The following NDE1 variants were observed in gnomAD, a reference collection of about 807,000 sequenced individuals.
NDE1 encodes the protein nuclear distribution protein nudE homolog 1.
In NDE1, 28 loss-of-function variants were observed where a neutral mutation model predicts 43.4. The ratio of observed to expected loss-of-function variants is 0.65; its 90% CI spans 0.48 to 0.89. NDE1 has a LOEUF of 0.89. NDE1 is among the 40% of genes least tolerant of loss of function. The pLI is 0.00. For synonymous variants in NDE1, 184 were observed against 172.0 expected, an observed-to-expected ratio of 1.07 and a Z score of -0.55; for missense variants, 441 against 434.1, an observed-to-expected ratio of 1.02 and a Z score of -0.14.
chr16:15,716,278 G>A (rs1266309201), intron 8 of NDE1, among the ~76,000 whole-genome samples: 2 of 152,134 alleles, frequency 1.3e-5, no homozygotes, highest in Admixed American at 6.6e-5. Flanking sequence ...AAATGACTGT[G>A]GTGATCGTTT....
chr16:15,651,813 A>C (rs2036519841), intron 1 of NDE1: 1 of 152,196 alleles, frequency 6.6e-6, no homozygotes, highest in Non-Finnish European at 1.5e-5. Context: ...GTGCCGCTGA[A>C]GTCTCAGGGG....
At chr16:15,714,911 G>C (rs1198876167) in intron 8 of NDE1, 3 of 1,613,670 alleles carry the variant, frequency 1.9e-6, no homozygotes, top group Non-Finnish European at 2.5e-6. Context: ...CTCCTCACCT[G>C]AGCTTGCTCT....
At chr16:15,710,190 G>A (rs554903060) in intron 8 of NDE1, among the ~76,000 whole-genome samples, 1 of 152,292 alleles carries the variant, frequency 6.6e-6, no homozygotes, top group South Asian at 2.1e-4. Context: ...TCAAGTGTCT[G>A]GGGCAGAACC....
intron 5 of NDE1, among the ~76,000 whole-genome samples, chr16:15,688,835 C>T (rs957968404): frequency 6.6e-6 from 1 of 150,760 alleles, no homozygotes; most frequent in Non-Finnish European, 1.5e-5. Flanking sequence ...GTAGCTGGGA[C>T]TGCAGGTGTG....
chr16:15,661,156 GTT>G (rs56830963), intron 1 of NDE1, among the ~76,000 whole-genome samples: 114 of 132,190 alleles, frequency 8.6e-4, no homozygotes, highest in Admixed American at 1.9e-3. Context: ...AGTTTTACTT[GTT>G]TTTTTTTTTT....
At chr16:15,717,870 C>T (rs2040248235) in intron 8 of NDE1, 1 of 278,620 alleles carries the variant, frequency 3.6e-6, no homozygotes, top group Non-Finnish European at 6.9e-6. Flanking sequence ...TTTCTCTGTC[C>T]TGGAGTCGCC....
Position 15,717,189 on chromosome 16 carries a change from G to A in NDE1, c.948-7002G>A, listed in dbSNP as rs1460104019. The A allele has an allele frequency of 1.9e-6, 3 of 1,614,070 alleles. No homozygotes were observed. The highest frequency in any genetic ancestry group is 1.3e-5 in the African/African-American group (1 of 74,924). ...TCCAGCTGTGCAATCTTGGCCTCCA[G>A]CGCCGCGATGGTGGACTTGAACTTG... On this transcript the variant is annotated intron_variant, in intron 8 of 8. Transcript: ENST00000396354.
chr16:15,653,674 CTT>C (rs1383199554), intron 1 of NDE1, among the ~76,000 whole-genome samples: 1 of 146,964 alleles, frequency 6.8e-6, no homozygotes, highest in Non-Finnish European at 1.5e-5. Context: ...TATTTTCAGA[CTT>C]TTTTGTTAGC....
chr16:15,715,260 C>A (rs28505375), intron 8 of NDE1: 1 of 1,613,740 alleles, frequency 6.2e-7, no homozygotes, highest in Admixed American at 1.7e-5. Context: ...ACTTGGTGGC[C>A]GCCTGTTTCT....
In NDE1 at chr16:15,697,380, A is replaced by G. The variant is rs183206200; in HGVS notation, c.947+520A>G. Among the ~76,000 whole-genome samples, 713 of 152,080 alleles carry G rather than the reference A, an allele frequency of 4.7e-3. 7 individuals are homozygous for G. The highest frequency in any genetic ancestry group is 6.6e-3 in the South Asian group (32 of 4,818). On this transcript the variant is annotated intron_variant, in intron 8 of 8. Coordinates refer to ENST00000396354, the MANE Select transcript of NDE1 (RefSeq NM_017668.3). ...TTTATCATTTGATTCTACAGCTGCT[A>G]CTCACGGTTACACTGTGAGAATGTC...
intron 1 of NDE1, among the ~76,000 whole-genome samples, chr16:15,651,209 A>G (rs917765088): frequency 2.6e-5 from 4 of 151,992 alleles, no homozygotes; most frequent in Non-Finnish European, 2.9e-5. Context: ...CTTAATTTCT[A>G]CTTTGAGCCT....
intron 2 of NDE1, 132 bp from the exon 3 acceptor site, chr16:15,667,154 G>C: frequency 9.8e-7 from 1 of 1,023,010 alleles, no homozygotes. Context: ...ACTGAGGCAG[G>C]AGAATCGCTT....
At chr16:15,686,774 T>G (rs2038460860) in intron 4 of NDE1, among the ~76,000 whole-genome samples, 1 of 152,202 alleles carries the variant, frequency 6.6e-6, no homozygotes, top group Non-Finnish European at 1.5e-5. Context: ...TGGTATAATC[T>G]GGGCTCACTA....
chr16:15,652,662 T>G (rs1376337784), intron 1 of NDE1, among the ~76,000 whole-genome samples: 1 of 152,058 alleles, frequency 6.6e-6, no homozygotes, highest in East Asian at 1.9e-4. Flanking sequence ...TTTGTCCAAG[T>G]TTTTGTTTGT....
chr16:15,667,205 C>A, intron 2 of NDE1, 81 bp from the exon 3 acceptor site: 1 of 1,485,116 alleles, frequency 6.7e-7, no homozygotes, highest in Non-Finnish European at 9.4e-7. Context: ...GAGATTGCAG[C>A]ACTGCATTGC....
intron 3 of NDE1, 50 bp from the exon 4 acceptor site, chr16:15,677,751 C>A: frequency 1.2e-6 from 2 of 1,608,306 alleles, no homozygotes; most frequent in Non-Finnish European, 1.7e-6. Flanking sequence ...CTGTGTCTAG[C>A]CTTCTCAGAA....
At chr16:15,676,604 G>A (rs1193690701) in intron 3 of NDE1, among the ~76,000 whole-genome samples, 2 of 152,008 alleles carry the variant, frequency 1.3e-5, no homozygotes, top group African/African-American at 2.4e-5. Context: ...TCAGAATGGC[G>A]GACTGTTTTA....
intron 6 of NDE1, 78 bp from the exon 7 acceptor site, chr16:15,694,087 G>T: frequency 6.5e-7 from 1 of 1,541,020 alleles, no homozygotes; most frequent in Non-Finnish European, 8.9e-7. Flanking sequence ...CTGTCCCGTG[G>T]TTTTGGATCT....
intron 8 of NDE1, among the ~76,000 whole-genome samples, chr16:15,704,599 A>C (rs1310602610): frequency 6.6e-6 from 1 of 152,148 alleles, no homozygotes; most frequent in Admixed American, 6.6e-5. Flanking sequence ...CTTAGAGGTG[A>C]GTTTTCAAGA....
Sources: allele counts gnomAD v4.1 joint callset (sites outside exome capture counted in the v4.1 genomes callset), GRCh38; gene constraint gnomAD v4.1.1; transcripts MANE v1.5; gene names NCBI Gene and HGNC (gene_info 2026-07-23, HGNC 2026-07-21).